The following WDR7 variants were observed in gnomAD, a reference collection of about 807,000 sequenced individuals.
WDR7 encodes the protein WD repeat domain 7.
A neutral mutation model predicts 169.4 loss-of-function variants in WDR7; 46 were observed. The ratio of observed to expected loss-of-function variants is 0.27; its 90% confidence interval spans 0.21 to 0.35. WDR7 has a LOEUF of 0.35. WDR7 is among the 10% of genes least tolerant of loss of function. The pLI is 1.00. For missense variants in WDR7, 1,534 were observed against 1,859.3 expected, an observed-to-expected ratio of 0.83 and a Z score of 3.22; for synonymous variants, 612 against 666.8, an observed-to-expected ratio of 0.92 and a Z score of 1.27.
At chr18:56,883,511 T>C (rs1226992245) in intron 21 of WDR7, among the ~76,000 whole-genome samples, 1 of 151,960 alleles carries the variant, frequency 6.6e-6, no homozygotes, top group Non-Finnish European at 1.5e-5. Context: ...TTTTTTGTTT[T>C]TTTTTTTTAA....
intron 1 of WDR7, among the ~76,000 whole-genome samples, chr18:56,656,540 A>T (rs2144412390): frequency 6.6e-6 from 1 of 151,442 alleles, no homozygotes; most frequent in South Asian, 2.1e-4. Context: ...TCAGCCTCCC[A>T]AAGTGCTAGG....
chr18:56,876,816 TAATAAA>T (rs2046029822), intron 20 of WDR7, among the ~76,000 whole-genome samples: 1 of 151,602 alleles, frequency 6.6e-6, no homozygotes, highest in Non-Finnish European at 1.5e-5. Context: ...GAAGGAGAAA[TAATAAA>T]AATAAGAGCA....
At chr18:56,941,695 G>C (rs1365105129) in intron 25 of WDR7, among the ~76,000 whole-genome samples, 1 of 152,172 alleles carries the variant, frequency 6.6e-6, no homozygotes, top group Non-Finnish European at 1.5e-5. Context: ...TAATGTTGAA[G>C]AGAAAAAAAT....
intron 20 of WDR7, among the ~76,000 whole-genome samples, chr18:56,819,499 C>A (rs2045047416): frequency 6.6e-6 from 1 of 152,168 alleles, no homozygotes. Context: ...TCTTGAGGTT[C>A]ATCAAATTCT....
chr18:57,025,171 C>A (rs528025338), intron 27 of WDR7, among the ~76,000 whole-genome samples: 1 of 152,264 alleles, frequency 6.6e-6, no homozygotes, highest in East Asian at 1.9e-4. Context: ...GCATTATATG[C>A]CCCTTGCATT....
At chr18:56,842,965 T>C (rs1435112710) in intron 20 of WDR7, among the ~76,000 whole-genome samples, 1 of 148,710 alleles carries the variant, frequency 6.7e-6, no homozygotes, top group Non-Finnish European at 1.5e-5. Context: ...ATTGCTTCTC[T>C]TTTTTTTTGG....
chr18:56,772,913 G>T (rs541904746), intron 16 of WDR7, among the ~76,000 whole-genome samples: 1 of 152,064 alleles, frequency 6.6e-6, no homozygotes, highest in Admixed American at 6.6e-5. Context: ...AGTAAATGCT[G>T]TAAGAAACAG....
At chr18:56,924,281 T>G (rs889897105) in intron 22 of WDR7, among the ~76,000 whole-genome samples, 173 bp downstream of exon 22, 3 of 152,224 alleles carry the variant, frequency 2.0e-5, no homozygotes, top group African/African-American at 7.2e-5. Flanking sequence ...AGCATGTTTC[T>G]ATAATTTTAA....
At chr18:57,008,917 T>A (rs901199768) in intron 26 of WDR7, among the ~76,000 whole-genome samples, 3 of 152,196 alleles carry the variant, frequency 2.0e-5, no homozygotes, top group Non-Finnish European at 4.4e-5. Flanking sequence ...TTTAATCCCA[T>A]GAGGTAGGCA....
At chr18:56,815,944 A>G in intron 19 of WDR7, 87 bp from the exon 20 acceptor site, 2 of 1,066,836 alleles carry the variant, frequency 1.9e-6, no homozygotes, top group South Asian at 1.7e-5. Context: ...GTTTATGTCC[A>G]TTAAGTAAAT....
At chr18:56,682,334 G>A (rs539526221) in intron 4 of WDR7, among the ~76,000 whole-genome samples, 9 of 152,202 alleles carry the variant, frequency 5.9e-5, no homozygotes, top group African/African-American at 1.7e-4. Context: ...TTGTAAAGCT[G>A]ATTTTATTCA....
intron 25 of WDR7, among the ~76,000 whole-genome samples, chr18:56,948,084 C>T (rs920680082): frequency 6.6e-6 from 1 of 151,874 alleles, no homozygotes; most frequent in Admixed American, 6.6e-5. Flanking sequence ...TTTAGGATTT[C>T]TTCAGAGCAA....
Position 56,983,207 on chromosome 18 carries a change from G to A in WDR7, c.4164+20678G>A, listed in dbSNP as rs2047670107. ...ACTTGTCATTGTTAGCAGCATCTGA[G>A]TCTGAACCGTCTTATTTGATAATGA... On this transcript the variant is annotated intron_variant, in intron 26 of 27. Transcript: ENST00000254442. 2.6e-5 allele frequency among the ~76,000 whole-genome samples: 4 copies of A among 152,146 alleles called. No homozygotes were observed. In the South Asian group the frequency reaches 8.3e-4, roughly 32 times the overall value.
intron 1 of WDR7, among the ~76,000 whole-genome samples, chr18:56,670,198 C>T (rs1334040858): frequency 6.6e-6 from 1 of 152,142 alleles, no homozygotes; most frequent in African/African-American, 2.4e-5. Flanking sequence ...ATTTGATTGT[C>T]ATATACTATT....
chr18:56,837,745 C>A (rs879915431), intron 20 of WDR7, among the ~76,000 whole-genome samples: 1 of 152,142 alleles, frequency 6.6e-6, no homozygotes, highest in African/African-American at 2.4e-5. Context: ...ACTGCAACCT[C>A]TGCCTCCTGG....
chr18:56,871,328 A>C (rs2045950106), intron 20 of WDR7, among the ~76,000 whole-genome samples: 1 of 152,168 alleles, frequency 6.6e-6, no homozygotes, highest in East Asian at 1.9e-4. Context: ...AAAAACCATA[A>C]TAGAAAGTAT....
chr18:56,990,293 G>A (rs1197794212), intron 26 of WDR7, among the ~76,000 whole-genome samples: 5 of 152,174 alleles, frequency 3.3e-5, no homozygotes, highest in African/African-American at 1.2e-4. Context: ...TGCCAGTGTT[G>A]CCTAGCAGGA....
At chr18:56,986,192 C>A (rs2047717438) in intron 26 of WDR7, among the ~76,000 whole-genome samples, 2 of 140,228 alleles carry the variant, frequency 1.4e-5, no homozygotes, top group East Asian at 2.3e-4. Flanking sequence ...ACATATTCAA[C>A]TTCATGATTT....
chr18:56,971,101 A>G (rs1365035292), intron 26 of WDR7, among the ~76,000 whole-genome samples: 2 of 152,086 alleles, frequency 1.3e-5, no homozygotes, highest in East Asian at 3.9e-4. Context: ...GTGAAACCCC[A>G]TCTCTACTAA....
Sources: allele counts gnomAD v4.1 joint callset (sites outside exome capture counted in the v4.1 genomes callset), GRCh38; gene constraint gnomAD v4.1.1; transcripts MANE v1.5; gene names NCBI Gene and HGNC (gene_info 2026-07-23, HGNC 2026-07-21).